SCLY: variants seen among roughly 807,000 people sequenced by gnomAD.
SCLY encodes the protein putative selenocysteine lyase.
Under a neutral mutation model 50.1 loss-of-function variants are expected in SCLY, and 38 were observed. The observed-to-expected ratio is 0.76, with a 90% confidence interval of 0.59 to 0.99. SCLY has a LOEUF of 0.99. Among genes scored for constraint, SCLY ranks in the 50% least tolerant of loss-of-function variants. The probability of loss-of-function intolerance (pLI) is 0.00; values close to 1 mark genes in which losing one functional copy is unlikely to be tolerated. For missense variants in SCLY, 600 were observed against 620.0 expected (o/e 0.97, Z 0.34); for synonymous variants, 243 against 249.4 (o/e 0.97, Z 0.24).
intron 1 of SCLY, among the ~76,000 whole-genome samples, chr2:238,063,806 C>T (rs888710767): frequency 1.3e-5 from 2 of 152,190 alleles, no homozygotes; most frequent in African/African-American, 4.8e-5. Flanking sequence ...GCAGCTGTTC[C>T]CCTCCTTCCA....
chr2:238,079,004 T>C (rs2065202578), intron 4 of SCLY: 1 of 151,632 alleles, frequency 6.6e-6, no homozygotes, highest in Non-Finnish European at 1.5e-5. Flanking sequence ...CAAATATCAT[T>C]GTAGTTAATT....
chr2:238,064,641 G>A (rs1010219292), intron 2 of SCLY, 172 bp downstream of exon 2: 58 of 492,744 alleles, frequency 1.2e-4, no homozygotes, highest in African/African-American at 1.0e-3. Context: ...CCATTTGTAA[G>A]CTGAGCCTTG....
chr2:238,097,513 G>A (rs893547938), intron 11 of SCLY, among the ~76,000 whole-genome samples: 6 of 152,140 alleles, frequency 3.9e-5, no homozygotes, highest in Non-Finnish European at 8.8e-5. Flanking sequence ...ACTGTAGCCA[G>A]CAGCACGTGG....
At chr2:238,063,366 C>T (rs927044083) in intron 1 of SCLY, among the ~76,000 whole-genome samples, 1 of 151,662 alleles carries the variant, frequency 6.6e-6, no homozygotes, top group South Asian at 2.1e-4. Flanking sequence ...AATTCTTCTG[C>T]CCCAGCCTCC....
rs756196082 is a variant in SCLY, at chr2:238,096,917, C to T, written c.1184+41C>T. On this transcript the variant is annotated intron_variant, in intron 11 of 11. Coordinates refer to ENST00000254663, the MANE Select transcript of SCLY (RefSeq NM_016510.7). ...AAACCCAGTCCAGGGCATAGGGGTC[C>T]TCCGGGCACTGGGTGTGGTGGGCAG... The T allele has an allele frequency of 4.6e-5, 71 of 1,531,142 alleles. No individual in the cohort carries two copies. The Admixed American group carries it at 1.3e-3, about 29-fold the overall frequency. 94.8% of individuals were successfully genotyped at this position (1,531,142 alleles called of 1,614,324 possible). A position where few individuals can be genotyped will look rare whatever the true frequency, so the allele number is the denominator to read the frequency against.
In SCLY at chr2:238,067,944, A is replaced by G. The variant is rs1214294507; in HGVS notation, c.203-121A>G. The G allele has an allele frequency of 3.0e-6, 2 of 657,402 alleles. No homozygotes were observed. Among genetic ancestry groups the G allele is most frequent in the Non-Finnish European group, 5.2e-6 (2 of 385,940 alleles). The allele number at this position is 657,402 out of a possible 1,614,324, so 40.7% of individuals were successfully genotyped here. A position where few individuals can be genotyped will look rare whatever the true frequency, so the allele number is the denominator to read the frequency against. On this transcript the variant is annotated intron_variant, in intron 2 of 11. Transcript: ENST00000254663. The surrounding 1 kb of genome is among the most constrained non-coding windows in gnomAD (Gnocchi z 4.3). ...TTTGCTGTGCTCACATTAAGGGGCC[A>G]GGTTTTGTCTTAGAACGGCCCACGC...
intron 7 of SCLY, among the ~76,000 whole-genome samples, chr2:238,084,250 A>G (rs1345848538): frequency 6.6e-6 from 1 of 152,220 alleles, no homozygotes; most frequent in African/African-American, 2.4e-5. Context: ...CACACCTGTC[A>G]GTCACAGGGA....
At chr2:238,093,794 G>A in intron 8 of SCLY, 67 bp from the exon 9 acceptor site, 1 of 1,450,452 alleles carries the variant, frequency 6.9e-7, no homozygotes, top group Non-Finnish European at 9.5e-7. Flanking sequence ...CTGTACCGTT[G>A]AAAGCTTTTT....
At chr2:238,093,709 C>G in intron 8 of SCLY, 152 bp from the exon 9 acceptor site, 2 of 734,572 alleles carry the variant, frequency 2.7e-6, no homozygotes, top group South Asian at 1.7e-5. Context: ...CTTCCACACC[C>G]TCCAAATGGC....
chr2:238,091,726 G>A (rs1162815147), intron 8 of SCLY: 2 of 169,126 alleles, frequency 1.2e-5, no homozygotes, highest in Non-Finnish European at 2.6e-5. Flanking sequence ...ACACCTCGGC[G>A]TCTGCAGGCT....
intron 7 of SCLY, among the ~76,000 whole-genome samples, chr2:238,085,237 G>C (rs762085017): frequency 6.6e-6 from 1 of 152,140 alleles, no homozygotes; most frequent in Non-Finnish European, 1.5e-5. Flanking sequence ...GTGAAACAAA[G>C]TGTCAGCAAA....
At position 238,098,676 on chromosome 2, in the gene SCLY, T is replaced by C; in HGVS notation, c.*321T>C. The C allele has an allele frequency of 1.1e-5, 1 of 90,324 alleles. No homozygotes were observed. Among genetic ancestry groups the C allele is most frequent in the Non-Finnish European group, 1.7e-5 (1 of 57,526 alleles). The allele number at this position is 90,324 out of a possible 1,614,324, so 5.6% of individuals were successfully genotyped here. ...CCGCCCACATAGAACCGTCCTCCAG[T>C]GGTGAAGCGGAAACACTTAGCTTTA... On this transcript the variant is annotated 3_prime_UTR_variant, in exon 12 of 12. Transcript: ENST00000254663.
intron 10 of SCLY, among the ~76,000 whole-genome samples, chr2:238,095,273 G>C (rs552898696): frequency 3.9e-5 from 6 of 152,172 alleles, no homozygotes; most frequent in Non-Finnish European, 8.8e-5. Flanking sequence ...TGCAACATCT[G>C]CCTCGGCTAG....
At chr2:238,093,516 T>C in intron 8 of SCLY, 1 of 312,708 alleles carries the variant, frequency 3.2e-6, no homozygotes, top group Non-Finnish European at 6.1e-6. Context: ...ACCTTGGGCC[T>C]GCGAGGTGCC....
chr2:238,083,413 G>C lies in SCLY; in HGVS notation c.884+59G>C, dbSNP rs1337460001. Reference sequence around the variant, plus strand: ...CTGACCGTGTCATTTGTAGAGCAGTGACATTGTAAAGAAACATGGCGCTGT... The same window carrying C: ...CTGACCGTGTCATTTGTAGAGCAGTCACATTGTAAAGAAACATGGCGCTGT... On this transcript the variant is annotated intron_variant, in intron 7 of 11. Transcript: ENST00000254663. The surrounding 1 kb of genome is among the most constrained non-coding windows in gnomAD (Gnocchi z 4.3). The C allele has an allele frequency of 8.0e-7, 1 of 1,254,012 alleles. No homozygotes were observed. The highest frequency in any genetic ancestry group is 1.5e-5 in the African/African-American group (1 of 67,350). The allele number at this position is 1,254,012 out of a possible 1,614,324, so 77.7% of individuals were successfully genotyped here.
At chr2:238,065,708 G>A (rs1249151382) in intron 2 of SCLY, among the ~76,000 whole-genome samples, 2 of 103,408 alleles carry the variant, frequency 1.9e-5, no homozygotes, top group Admixed American at 9.4e-5. Flanking sequence ...ATTGAGTCTC[G>A]CTCTCGCCCA....
rs2065073917 is a variant in SCLY at position 238,066,648 on chromosome 2, C to T, written c.203-1417C>T. On this transcript the variant is annotated intron_variant, in intron 2 of 11. Transcript: ENST00000254663. The surrounding 1 kb of genome is among the most constrained non-coding windows in gnomAD (Gnocchi z 4.1). Reference sequence around the variant, plus strand: ...GAACATCGTTTGAACACAGAGCCTACAGCATTTGCTGGTGGATTAATTGGC... The same window carrying T: ...GAACATCGTTTGAACACAGAGCCTATAGCATTTGCTGGTGGATTAATTGGC... 6.6e-6 allele frequency among the ~76,000 whole-genome samples: 1 copy of T among 152,144 alleles called. No homozygotes were observed. Among genetic ancestry groups the T allele is most frequent in the Admixed American group, 6.5e-5 (1 of 15,282 alleles).
At chr2:238,081,417 C>T (rs1272921157) in intron 4 of SCLY, 2 of 337,388 alleles carry the variant, frequency 5.9e-6, no homozygotes, top group Non-Finnish European at 1.1e-5. Context: ...AAGCAAGAGC[C>T]TGCATCCCTG....
At chr2:238,077,105 G>T (rs1028915097) in intron 4 of SCLY, among the ~76,000 whole-genome samples, 13 of 151,364 alleles carry the variant, frequency 8.6e-5, no homozygotes, top group Admixed American at 8.5e-4. Context: ...ATTAATAGTT[G>T]ATCACACTAT....
Sources: gnomAD v4.1 joint callset for allele counts (sites outside exome capture counted in the v4.1 genomes callset) on GRCh38, gnomAD v4.1.1 for gene constraint, Gnocchi (gnomAD v3.1) non-coding constraint, MANE v1.5 for transcripts, NCBI Gene and HGNC (gene_info 2026-07-23, HGNC 2026-07-21) for gene names.